The following GALNT13 variants were observed in gnomAD, a reference collection of about 807,000 sequenced individuals.
GALNT13 encodes the protein polypeptide N-acetylgalactosaminyltransferase 13, also known as UDP-GalNAc:polypeptide N-acetylgalactosaminyltransferase 13.
In GALNT13, 28 loss-of-function variants were observed where a neutral mutation model predicts 64.2. The observed-to-expected ratio is 0.44, with a 90% CI of 0.32 to 0.60. GALNT13 has a LOEUF of 0.60. Ranked by LOEUF, GALNT13 falls within the 20% of genes least tolerant of loss-of-function variation. GALNT13 has a pLI of 0.05. For synonymous variants in GALNT13, 214 were observed against 224.6 expected, an observed-to-expected ratio of 0.95 and a Z score of 0.42; for missense variants, 577 against 669.8, an observed-to-expected ratio of 0.86 and a Z score of 1.53.
the GALNT13 span, among the ~76,000 whole-genome samples, chr2:153,237,058 C>A: frequency 6.6e-6 from 1 of 151,986 alleles, no homozygotes; most frequent in Non-Finnish European, 1.5e-5. Context: ...GAAGTAACTG[C>A]AGATGTGGTG....
At chr2:153,865,384 T>C in the GALNT13 span, among the ~76,000 whole-genome samples, 1 of 136,854 alleles carries the variant, frequency 7.3e-6, no homozygotes, top group African/African-American at 2.8e-5. Context: ...ACCTACAAAA[T>C]GGGAGAAAAT....
intron 4 of GALNT13, among the ~76,000 whole-genome samples, chr2:154,141,939 A>G (rs542942217): frequency 6.6e-6 from 1 of 152,334 alleles, no homozygotes; most frequent in African/African-American, 2.4e-5. Context: ...AAACAGATGT[A>G]ATAAAATGAA....
chr2:153,242,743 A>T, the GALNT13 span, among the ~76,000 whole-genome samples: 1 of 152,166 alleles, frequency 6.6e-6, no homozygotes, highest in African/African-American at 2.4e-5. Context: ...TCTCCATTTT[A>T]TCTTCTTGCC....
At chr2:153,918,046 T>G (rs914583570) in intron 2 of GALNT13, among the ~76,000 whole-genome samples, 8 of 152,126 alleles carry the variant, frequency 5.3e-5, no homozygotes, top group African/African-American at 1.7e-4. Context: ...GTATCATCAT[T>G]ACTTTTTTGG....
At chr2:153,118,950 A>G in the GALNT13 span, among the ~76,000 whole-genome samples, 26 of 152,250 alleles carry the variant, frequency 1.7e-4, no homozygotes, top group South Asian at 4.2e-3. Flanking sequence ...GTGGGAGGCA[A>G]TTGAATCATG....
At chr2:154,163,922 A>AT (rs1684879568) in intron 4 of GALNT13, among the ~76,000 whole-genome samples, 1 of 152,174 alleles carries the variant, frequency 6.6e-6, no homozygotes, top group South Asian at 2.1e-4. Flanking sequence ...TGTTTATAAA[A>AT]TAATAGTATT....
chr2:153,293,606 A>G, the GALNT13 span, among the ~76,000 whole-genome samples: 29 of 152,296 alleles, frequency 1.9e-4, no homozygotes, highest in Admixed American at 9.8e-4. Context: ...CAGAATTGTA[A>G]GACAAGAAAT....
chr2:154,170,055 C>T (rs1685267293), intron 4 of GALNT13, among the ~76,000 whole-genome samples: 1 of 152,124 alleles, frequency 6.6e-6, no homozygotes. Context: ...TTCTTATTAC[C>T]AGCTTAGTTG....
At chr2:153,673,027 A>G in the GALNT13 span, among the ~76,000 whole-genome samples, 2 of 152,304 alleles carry the variant, frequency 1.3e-5, no homozygotes, top group South Asian at 2.1e-4. Flanking sequence ...GAATCTCTGA[A>G]TAGACCAATA....
the GALNT13 span, among the ~76,000 whole-genome samples, chr2:153,652,108 C>T: frequency 6.6e-6 from 1 of 152,026 alleles, no homozygotes; most frequent in Non-Finnish European, 1.5e-5. Context: ...CCACTCTAAG[C>T]TACATATAAA....
At chr2:153,889,617 G>A (rs1687416813) in intron 1 of GALNT13, among the ~76,000 whole-genome samples, 1 of 151,912 alleles carries the variant, frequency 6.6e-6, no homozygotes, top group Admixed American at 6.6e-5. Flanking sequence ...CTTTTATTTG[G>A]CCAGAGGCCT....
chr2:153,339,292 T>G, the GALNT13 span, among the ~76,000 whole-genome samples: 1 of 152,238 alleles, frequency 6.6e-6, no homozygotes, highest in African/African-American at 2.4e-5. Context: ...ATCATTTACC[T>G]TTTTGATAAT....
At chr2:153,191,758 C>T in the GALNT13 span, among the ~76,000 whole-genome samples, 3 of 151,062 alleles carry the variant, frequency 2.0e-5, no homozygotes, top group East Asian at 3.9e-4. Flanking sequence ...TTGGTTGTTC[C>T]GGTTTTCTGT....
the GALNT13 span, among the ~76,000 whole-genome samples, chr2:153,203,613 G>A: frequency 2.6e-5 from 4 of 152,134 alleles, no homozygotes; most frequent in East Asian, 3.9e-4. Flanking sequence ...TAGGCTATCC[G>A]GCTCCACAAA....
At chr2:154,210,988 G>A (rs1014497915) in intron 4 of GALNT13, among the ~76,000 whole-genome samples, 3 of 152,136 alleles carry the variant, frequency 2.0e-5, no homozygotes, top group Non-Finnish European at 2.9e-5. Context: ...AGAGAGGCAG[G>A]ATTGGTAGTT....
chr2:154,202,619 A>G (rs1025581780), intron 4 of GALNT13, among the ~76,000 whole-genome samples: 8 of 152,114 alleles, frequency 5.3e-5, no homozygotes, highest in African/African-American at 1.9e-4. Flanking sequence ...CCAAGATCCA[A>G]GCTTTCTTCA....
the GALNT13 span, among the ~76,000 whole-genome samples, chr2:153,280,586 A>T: frequency 1.3e-5 from 2 of 151,924 alleles, no homozygotes; most frequent in African/African-American, 4.8e-5. Context: ...ATTTCAAATA[A>T]TTTTTTTTAT....
chr2:153,788,921 C>G, the GALNT13 span, among the ~76,000 whole-genome samples: 13 of 152,086 alleles, frequency 8.5e-5, no homozygotes, highest in Non-Finnish European at 1.5e-5. Flanking sequence ...TGTATATGCA[C>G]CCAACACGAG....
At chr2:153,345,714 T>C in the GALNT13 span, among the ~76,000 whole-genome samples, 107 of 64,516 alleles carry the variant, frequency 1.7e-3, 4 homozygotes, top group Admixed American at 2.1e-3. Flanking sequence ...TCTTTCTCTC[T>C]TTCTGTCCTT....
Sources: gnomAD v4.1 joint callset for allele counts (sites outside exome capture counted in the v4.1 genomes callset) on GRCh38, gnomAD v4.1.1 for gene constraint, MANE v1.5 for transcripts, NCBI Gene and HGNC (gene_info 2026-07-23, HGNC 2026-07-21) for gene names.